Variants in AK7 observed in about 807,000 individuals in gnomAD.
The protein encoded by AK7 is adenylate kinase 7.
In AK7, 78 loss-of-function variants were observed where a neutral mutation model predicts 96.6. The observed-to-expected ratio is 0.81, with a 90% CI of 0.67 to 0.97. AK7 has a LOEUF of 0.97. Ranked by LOEUF, AK7 falls within the 50% of genes least tolerant of loss-of-function variation. The pLI is 0.00. For missense variants in AK7, 855 were observed against 887.9 expected (o/e 0.96, Z 0.47); for synonymous variants, 302 against 317.2 (o/e 0.95, Z 0.51).
At chr14:96,448,196 ACCT>A (rs1030897313) in intron 8 of AK7, among the ~76,000 whole-genome samples, 3 of 150,586 alleles carry the variant, frequency 2.0e-5, no homozygotes, top group African/African-American at 7.3e-5. Context: ...CCTCATTCCC[ACCT>A]CCTGCACGCG....
Position 96,392,188 on chromosome 14 carries a change from G to A in AK7, c.34G>A (p.Glu12Lys), listed in dbSNP as rs1889775705. 1.2e-6 allele frequency: 2 copies of A among 1,613,622 alleles called. No homozygotes were observed. Among genetic ancestry groups the A allele is most frequent in the African/African-American group, 2.7e-5 (2 of 74,916 alleles). The part of the protein sequence containing the change: ...AEEEETAALT[E>K]KVIRTQRVFI... ...AGAAGAGGAAACTGCTGCTCTCACGGAGAAGGTTATCCGGACCCAGAGGGT... is the reference window on the plus strand; with the variant it reads ...AGAAGAGGAAACTGCTGCTCTCACGAAGAAGGTTATCCGGACCCAGAGGGT... Residue 12 changes from glutamate (E) to lysine (K), a missense_variant, in exon 1 of 18, where the codon GAG becomes AAG. By Grantham distance (56) the Glu-to-Lys change is moderately conservative. Coordinates refer to ENST00000267584, the MANE Select transcript of AK7 (RefSeq NM_152327.5).
intron 8 of AK7, among the ~76,000 whole-genome samples, chr14:96,447,212 C>T (rs1041115986): frequency 6.6e-6 from 1 of 152,176 alleles, no homozygotes; most frequent in Non-Finnish European, 1.5e-5. Flanking sequence ...CACCAGAATA[C>T]GAAAATCCGC....
intron 7 of AK7, among the ~76,000 whole-genome samples, chr14:96,443,689 C>T (rs1893076236): frequency 6.6e-6 from 1 of 151,854 alleles, no homozygotes. Flanking sequence ...CCCTGGGCCA[C>T]ATTGGAAGAT....
intron 6 of AK7, among the ~76,000 whole-genome samples, chr14:96,441,642 C>CAAAAAAAAAAA (rs34473287): frequency 3.3e-5 from 3 of 91,502 alleles, no homozygotes; most frequent in African/African-American, 9.3e-5. Flanking sequence ...GACTCCGTCT[C>CAAAAAAAAAAA]AAAAAAAAAA....
At chr14:96,469,075 T>C (rs1441381590) in intron 12 of AK7, among the ~76,000 whole-genome samples, 1 of 152,174 alleles carries the variant, frequency 6.6e-6, no homozygotes, top group Non-Finnish European at 1.5e-5. Flanking sequence ...TGGAGGTCCC[T>C]TCTTAATTAC....
chr14:96,408,855 G>A lies in AK7; in HGVS notation c.412G>A (p.Glu138Lys), dbSNP rs911976559. Residue 138 changes from glutamate to lysine, a missense_variant, in exon 4 of 18, where the codon GAA (glutamate) becomes AAA (lysine). Coordinates refer to ENST00000267584, the MANE Select transcript of AK7 (RefSeq NM_152327.5). ...GCTTTTTGGCCCCACAGCACTCAGT[G>A]AAGAAGTCAGCCACTTTGAAAAGCG... ...EAIWAVSALS[E>K]EVSHFEKRKL... 4.3e-6 allele frequency: 7 copies of A among 1,614,106 alleles called. No individual in the cohort carries two copies. In the South Asian group the frequency reaches 4.4e-5, roughly 10 times the overall value.
rs992037759 is a variant in AK7 at position 96,465,387 on chromosome 14, C to T, written c.1358-6091C>T. Among the ~76,000 whole-genome samples the T allele has an allele frequency of 5.3e-5, 8 of 151,628 alleles. No individual in the cohort carries two copies. The South Asian group carries it at 6.3e-4, about 12-fold the overall frequency. On this transcript the variant is annotated intron_variant, in intron 12 of 17. Coordinates refer to ENST00000267584, the MANE Select transcript of AK7 (RefSeq NM_152327.5). ...CTGAGGCAGGAGAATGGCGTGAACC[C>T]GGGAGGCGGAGCTTGCAATGAGCCA...
intron 12 of AK7, among the ~76,000 whole-genome samples, chr14:96,469,379 G>C (rs1016879113): frequency 2.6e-5 from 4 of 152,068 alleles, no homozygotes; most frequent in African/African-American, 9.7e-5. Flanking sequence ...AATAAAATTA[G>C]CTGGGCGTAG....
At chr14:96,427,654 T>C (rs2140058849) in intron 5 of AK7, among the ~76,000 whole-genome samples, 1 of 152,354 alleles carries the variant, frequency 6.6e-6, no homozygotes, top group South Asian at 2.1e-4. Context: ...ATTGTTGATA[T>C]CTTTCTCTAG....
chr14:96,459,112 C>T (rs1217093859), intron 12 of AK7, among the ~76,000 whole-genome samples: 3 of 151,736 alleles, frequency 2.0e-5, no homozygotes, highest in Non-Finnish European at 2.9e-5. Context: ...CCAAGTTGGG[C>T]GGATCACCTG....
intron 1 of AK7, among the ~76,000 whole-genome samples, chr14:96,396,958 G>A (rs1295374404): frequency 2.6e-5 from 4 of 152,160 alleles, no homozygotes; most frequent in Non-Finnish European, 5.9e-5. Context: ...TTAGCCAGGC[G>A]TGGTGGCACA....
At chr14:96,405,375 G>T (rs1019748125) in intron 3 of AK7, among the ~76,000 whole-genome samples, 4 of 151,616 alleles carry the variant, frequency 2.6e-5, no homozygotes, top group Admixed American at 2.6e-4. Flanking sequence ...GCAGAGATGG[G>T]GACTTGCTAT....
chr14:96,421,847 C>T (rs1046242704), intron 5 of AK7, among the ~76,000 whole-genome samples: 10 of 152,124 alleles, frequency 6.6e-5, no homozygotes, highest in East Asian at 1.9e-4. Context: ...ACTCGTGATC[C>T]GCCCGCCTGG....
intron 14 of AK7, among the ~76,000 whole-genome samples, chr14:96,477,719 A>C (rs369142845): frequency 6.6e-6 from 1 of 152,250 alleles, no homozygotes; most frequent in African/African-American, 2.4e-5. Flanking sequence ...AGTGCTGACC[A>C]TAACATGTTG....
At chr14:96,419,647 T>C (rs1891552533) in intron 4 of AK7, among the ~76,000 whole-genome samples, 2 of 151,818 alleles carry the variant, frequency 1.3e-5, no homozygotes, top group Non-Finnish European at 1.5e-5. Context: ...CAAAAAAAAA[T>C]TATATTTAAT....
chr14:96,458,394 G>C (rs1289532405), intron 12 of AK7, among the ~76,000 whole-genome samples, 182 bp downstream of exon 12: 1 of 152,058 alleles, frequency 6.6e-6, no homozygotes, highest in Non-Finnish European at 1.5e-5. Flanking sequence ...CCAGGAGTTT[G>C]AGACCAGCCT....
At chr14:96,472,173 T>A (rs1595458098) in intron 13 of AK7, among the ~76,000 whole-genome samples, 1 of 149,462 alleles carries the variant, frequency 6.7e-6, no homozygotes, top group African/African-American at 2.4e-5. Flanking sequence ...GAATTTCCTT[T>A]AAAAAAAAAA....
At chr14:96,438,799 G>A (rs1892794363) in intron 6 of AK7, among the ~76,000 whole-genome samples, 2 of 152,194 alleles carry the variant, frequency 1.3e-5, no homozygotes, top group South Asian at 4.1e-4. Flanking sequence ...GGAGCAGGAA[G>A]CAAGGAAACC....
At chr14:96,409,576 T>C (rs958343061) in intron 4 of AK7, among the ~76,000 whole-genome samples, 2 of 152,102 alleles carry the variant, frequency 1.3e-5, no homozygotes, top group Non-Finnish European at 2.9e-5. Context: ...CATCTCTAAA[T>C]AAATAAAGGA....
Sources: allele counts gnomAD v4.1 joint callset (sites outside exome capture counted in the v4.1 genomes callset), GRCh38; gene constraint gnomAD v4.1.1; transcripts MANE v1.5; gene names NCBI Gene and HGNC (gene_info 2026-07-23, HGNC 2026-07-21).